CCNY: variants seen among roughly 807,000 people sequenced by gnomAD.
CCNY encodes cyclin Y.
CCNY carries 19 observed loss-of-function variants against 42.8 expected under a neutral mutation model. That is an observed-to-expected ratio of 0.44 (90% CI 0.31 to 0.65). CCNY has a LOEUF of 0.65. CCNY is among the 30% of genes least tolerant of loss of function. The pLI, the probability that CCNY is intolerant of heterozygous loss-of-function variation, is 0.07. For synonymous variants in CCNY, 165 were observed against 162.7 expected (o/e 1.01, Z -0.11); for missense variants, 370 against 437.3 (o/e 0.85, Z 1.37).
chr10:35,270,076 T>C (rs1444778346), intron 3 of CCNY, among the ~76,000 whole-genome samples: 1 of 152,186 alleles, frequency 6.6e-6, no homozygotes, highest in East Asian at 1.9e-4. Context: ...TTATTGTCCA[T>C]ATTTCAACCA....
At chr10:35,358,527 G>C (rs775629019) in intron 1 of CCNY, among the ~76,000 whole-genome samples, 2 of 152,176 alleles carry the variant, frequency 1.3e-5, no homozygotes, top group African/African-American at 4.8e-5. Context: ...TCCTTATCCT[G>C]CTCATGGGTA....
intron 7 of CCNY, among the ~76,000 whole-genome samples, chr10:35,548,707 G>C (rs1841174000): frequency 6.6e-6 from 1 of 152,124 alleles, no homozygotes; most frequent in Non-Finnish European, 1.5e-5. Context: ...TGGTCTTGCT[G>C]CCTCTGGGGC....
chr10:35,537,907 G>T (rs896933860), intron 7 of CCNY, among the ~76,000 whole-genome samples: 39 of 152,098 alleles, frequency 2.6e-4, no homozygotes, highest in Admixed American at 3.9e-4. Context: ...GAGGGCCCGG[G>T]GTGGAATGAT....
At chr10:35,525,889 C>A in intron 4 of CCNY, 75 bp from the exon 5 acceptor site, 1 of 1,266,292 alleles carries the variant, frequency 7.9e-7, no homozygotes, top group South Asian at 1.3e-5. Context: ...TATTTATGTT[C>A]AGACTGTGGC....
At chr10:35,476,896 T>C (rs1839524797) in intron 1 of CCNY, among the ~76,000 whole-genome samples, 1 of 152,076 alleles carries the variant, frequency 6.6e-6, no homozygotes, top group East Asian at 1.9e-4. Flanking sequence ...CTAGCAAGAC[T>C]AATAAAGAAG....
At chr10:35,429,678 C>G (rs1267051302) in intron 1 of CCNY, among the ~76,000 whole-genome samples, 1 of 152,148 alleles carries the variant, frequency 6.6e-6, no homozygotes, top group Admixed American at 6.5e-5. Context: ...TATGTAGTAA[C>G]TGGTAAATTG....
At chr10:35,252,287 C>T (rs541416441) in intron 3 of CCNY, among the ~76,000 whole-genome samples, 9 of 152,020 alleles carry the variant, frequency 5.9e-5, no homozygotes, top group African/African-American at 1.4e-4. Context: ...ATATCCTGGC[C>T]GGGCGCGGTG....
intron 1 of CCNY, among the ~76,000 whole-genome samples, chr10:35,354,845 T>G (rs1176583036): frequency 6.9e-6 from 1 of 145,806 alleles, no homozygotes; most frequent in Non-Finnish European, 1.5e-5. Context: ...AGCTTTCTCC[T>G]TCAGTATCTT....
chr10:35,377,448 T>A (rs766161887), intron 1 of CCNY, among the ~76,000 whole-genome samples: 2 of 152,272 alleles, frequency 1.3e-5, no homozygotes, highest in Admixed American at 6.5e-5. Flanking sequence ...TACAGATTTG[T>A]AGCCTATGAA....
intron 2 of CCNY, among the ~76,000 whole-genome samples, chr10:35,496,176 T>G (rs1038908262): frequency 8.5e-5 from 13 of 152,250 alleles, no homozygotes; most frequent in South Asian, 4.1e-4. Flanking sequence ...GGCCTGCCAG[T>G]CCTTCACATC....
At chr10:35,458,650 A>G (rs1490335767) in intron 1 of CCNY, among the ~76,000 whole-genome samples, 1 of 152,214 alleles carries the variant, frequency 6.6e-6, no homozygotes, top group East Asian at 1.9e-4. Context: ...CAAGCAAAAT[A>G]AGTACTGTAA....
intron 1 of CCNY, among the ~76,000 whole-genome samples, chr10:35,472,214 G>A (rs1839405124): frequency 6.6e-6 from 1 of 152,182 alleles, no homozygotes; most frequent in East Asian, 1.9e-4. Context: ...GGTGTTATTA[G>A]CCCACTTTGT....
At chr10:35,343,927 A>C (rs1433534902) in intron 1 of CCNY, among the ~76,000 whole-genome samples, 1 of 152,210 alleles carries the variant, frequency 6.6e-6, no homozygotes, top group Non-Finnish European at 1.5e-5. Context: ...CATACTTGTC[A>C]CACTTCAAAG....
intron 3 of CCNY, among the ~76,000 whole-genome samples, chr10:35,302,050 G>A (rs1224323684): frequency 6.6e-6 from 1 of 151,186 alleles, no homozygotes; most frequent in African/African-American, 2.4e-5. Context: ...TGCAACCTCC[G>A]CCTCCCAGGT....
At chr10:35,337,297 A>G in intron 1 of CCNY, 90 bp downstream of exon 1, 3 of 1,310,464 alleles carry the variant, frequency 2.3e-6, no homozygotes, top group South Asian at 3.2e-5. Flanking sequence ...TTGCTTGCCC[A>G]GCCGGTCTCG....
At chr10:35,477,651 G>T (rs1439531655) in intron 1 of CCNY, among the ~76,000 whole-genome samples, 1 of 149,288 alleles carries the variant, frequency 6.7e-6, no homozygotes, top group Non-Finnish European at 1.5e-5. Flanking sequence ...AATAATAAGA[G>T]CTATCTATGA....
At chr10:35,403,218 A>G (rs1359113595) in intron 1 of CCNY, among the ~76,000 whole-genome samples, 2 of 152,192 alleles carry the variant, frequency 1.3e-5, no homozygotes, top group Non-Finnish European at 2.9e-5. Flanking sequence ...ATAGATTTCC[A>G]CGACGGAAAG....
intron 1 of CCNY, among the ~76,000 whole-genome samples, chr10:35,468,472 AT>A (rs1839317436): frequency 6.6e-6 from 1 of 151,786 alleles, no homozygotes; most frequent in African/African-American, 2.4e-5. Flanking sequence ...ACTCCCTTTT[AT>A]TTTTTTCAGA....
intron 1 of CCNY, among the ~76,000 whole-genome samples, chr10:35,339,197 C>T (rs1273620894): frequency 6.6e-6 from 1 of 152,184 alleles, no homozygotes; most frequent in Admixed American, 6.5e-5. Context: ...CTAGCATTGA[C>T]CCAGCCAGCA....
Sources: gnomAD v4.1 joint callset for allele counts (sites outside exome capture counted in the v4.1 genomes callset) on GRCh38, gnomAD v4.1.1 for gene constraint, MANE v1.5 for transcripts, NCBI Gene and HGNC (gene_info 2026-07-23, HGNC 2026-07-21) for gene names.